The following RO60 variants were observed in gnomAD, a reference collection of about 807,000 sequenced individuals.
RO60 encodes the protein Ro60, Y RNA binding protein, also known as RNA-binding protein RO60.
A neutral mutation model predicts 55.3 loss-of-function variants in RO60; 20 were observed. The ratio of observed to expected loss-of-function variants is 0.36; its 90% CI spans 0.25 to 0.53. The LOEUF is 0.53. Among genes scored for constraint, RO60 ranks in the 20% least tolerant of loss-of-function variants. The pLI, the probability that RO60 is intolerant of heterozygous loss-of-function variation, is 0.92. For missense variants in RO60, 558 were observed against 646.6 expected, an observed-to-expected ratio of 0.86 and a Z score of 1.49; for synonymous variants, 213 against 213.6, an observed-to-expected ratio of 1.00 and a Z score of 0.02.
At position 193,084,735 on chromosome 1, in the gene RO60, T is replaced by A; in HGVS notation, c.*4T>A. 6.2e-7 allele frequency: 1 copy of A among 1,610,852 alleles called. No individual in the cohort carries two copies. The highest frequency in any genetic ancestry group is 8.5e-7 in the Non-Finnish European group (1 of 1,178,956). On this transcript the variant is annotated 3_prime_UTR_variant, in exon 9 of 9. Coordinates refer to ENST00000400968, the MANE Select transcript of RO60 (RefSeq NM_001173524.2). ...TTTCACATTAGATATGATTTAACCATAAGCAGCAGCACGATCCAGAGATCC... is the reference window on the plus strand; with the variant it reads ...TTTCACATTAGATATGATTTAACCAAAAGCAGCAGCACGATCCAGAGATCC...
At chr1:193,067,711 G>C (rs1673211983) in intron 1 of RO60, among the ~76,000 whole-genome samples, 1 of 152,154 alleles carries the variant, frequency 6.6e-6, no homozygotes, top group Non-Finnish European at 1.5e-5. Context: ...GACAATTGTG[G>C]TTCCTCCATT....
Position 193,069,149 on chromosome 1 carries a change from G to A in RO60, c.95G>A (p.Arg32Gln), listed in dbSNP as rs745327451. 9 of 1,613,904 alleles carry A rather than the reference G, an allele frequency of 5.6e-6. No individual in the cohort carries two copies. The East Asian group carries it at 6.7e-5, about 12-fold the overall frequency. ...GTATGGCAAGTCACTGACATGAATC[G>A]ACTACACCGGTTCTTATGTTTCGGT... ...GYVWQVTDMNRLHRFLCFGSE... is the reference protein window; with the variant it reads ...GYVWQVTDMNQLHRFLCFGSE... The change falls in exon 2 of 9, where the codon CGA (arginine) becomes CAA (glutamine). Residue 32 changes from arginine (R) to glutamine (Q), a missense_variant. Transcript: ENST00000400968.
At position 193,088,800 on chromosome 1, in the gene RO60, G is replaced by A. The variant is rs1674734918; in HGVS notation, c.*4069G>A. 6.6e-6 allele frequency: 1 copy of A among 152,090 alleles called. No individual in the cohort carries two copies. Among genetic ancestry groups the A allele is most frequent in the East Asian group, 1.9e-4 (1 of 5,202 alleles). 9.4% of individuals were successfully genotyped at this position (152,090 alleles called of 1,614,324 possible). A position where few individuals can be genotyped will look rare whatever the true frequency, so the allele number is the denominator to read the frequency against. On this transcript the variant is annotated 3_prime_UTR_variant, in exon 9 of 9. Transcript: ENST00000400968. ...TGAAATTAGTTGTATTTACTGTTTG[G>A]ATTTTATTTAGTGTTTCCTTGATGT...
At position 193,059,639 on chromosome 1, in the gene RO60, T is replaced by C. The variant is rs962478263; in HGVS notation, c.-159T>C. On this transcript the variant is annotated 5_prime_UTR_variant, in exon 1 of 9. Transcript: ENST00000400968. The surrounding 1 kb of genome is among the most constrained non-coding windows in gnomAD (Gnocchi z 4.9). The stretch of plus-strand genomic sequence containing the variant: ...TCGTTCCCGGGAACCGAACCTGGAA[T>C]CCCCGGCGGCAGTGGGGCTGTTGCT... The C allele has an allele frequency of 4.3e-6, 6 of 1,392,918 alleles. No individual in the cohort carries two copies. The African/African-American group carries it at 7.2e-5, about 17-fold the overall frequency. 86.3% of individuals were successfully genotyped at this position (1,392,918 alleles called of 1,614,324 possible). A position where few individuals can be genotyped will look rare whatever the true frequency, so the allele number is the denominator to read the frequency against.
chr1:193,075,311 G>A (rs544148039), intron 2 of RO60, among the ~76,000 whole-genome samples: 3 of 139,770 alleles, frequency 2.1e-5, no homozygotes, highest in Non-Finnish European at 3.1e-5. Flanking sequence ...TTTTTGAGCA[G>A]TAATACTTCT....
In RO60 at chr1:193,090,222, A is replaced by G. The variant is rs1674803888; in HGVS notation, c.*5491A>G. 1 of 152,262 alleles carries G rather than the reference A, an allele frequency of 6.6e-6. No homozygotes were observed. The highest frequency in any genetic ancestry group is 2.1e-4 in the South Asian group (1 of 4,830). The allele number at this position is 152,262 out of a possible 1,614,324, so 9.4% of individuals were successfully genotyped here. Reference sequence around the variant, plus strand: ...TGGTTTCACTTCGATGTGGATATGGATATGTGGATAAAGACAGTAAATGAA... The same window carrying G: ...TGGTTTCACTTCGATGTGGATATGGGTATGTGGATAAAGACAGTAAATGAA... On this transcript the variant is annotated 3_prime_UTR_variant, in exon 9 of 9. Transcript: ENST00000400968.
intron 5 of RO60, among the ~76,000 whole-genome samples, chr1:193,081,097 G>C (rs925352297): frequency 6.6e-6 from 1 of 151,990 alleles, no homozygotes; most frequent in Non-Finnish European, 1.5e-5. Flanking sequence ...TTAAAAATAG[G>C]ATGGTAACTT....
chr1:193,067,924 C>T (rs1380004556), intron 1 of RO60, among the ~76,000 whole-genome samples: 1 of 152,148 alleles, frequency 6.6e-6, no homozygotes, highest in African/African-American at 2.4e-5. Context: ...GACCCAGGTT[C>T]TTTGTTTTTT....
intron 2 of RO60, among the ~76,000 whole-genome samples, chr1:193,072,798 A>G (rs1314542932): frequency 6.6e-6 from 1 of 152,186 alleles, no homozygotes; most frequent in East Asian, 1.9e-4. Flanking sequence ...GAAAATAATT[A>G]TTCTGTGCTT....
downstream of RO60, chr1:193,091,327 C>T (rs1674849997): frequency 4.7e-6 from 1 of 212,842 alleles, no homozygotes; most frequent in Non-Finnish European, 9.3e-6. Flanking sequence ...TTCACTTTGC[C>T]TTTCAAAGCA....
intron 8 of RO60, 150 bp from the exon 9 acceptor site, chr1:193,084,429 A>C: frequency 1.2e-6 from 1 of 866,528 alleles, no homozygotes; most frequent in Non-Finnish European, 1.7e-6. Flanking sequence ...AAACTCCCAT[A>C]TTCTAGCCTT....
chr1:193,076,917 G>A lies in RO60; in HGVS notation c.953G>A (p.Arg318His), dbSNP rs370244149. 43 of 1,610,554 alleles carry A rather than the reference G, an allele frequency of 2.7e-5. No homozygotes were observed. The highest frequency in any genetic ancestry group is 6.7e-5 in the African/African-American group (5 of 74,882). ...LCNEKLLKKA[R>H]IHPFHILIAL... ...TTCCTTATACTTTGTTTCTAGGCTC[G>A]TATACATCCATTTCATATTTTGATC... is the stretch of plus-strand genomic sequence containing the variant. The change falls in exon 5 of 9, where the codon CGT becomes CAT. Residue 318 changes from arginine to histidine, a missense_variant. Coordinates refer to ENST00000400968, the MANE Select transcript of RO60 (RefSeq NM_001173524.2).
At chr1:193,067,339 C>T (rs1572065683) in intron 1 of RO60, among the ~76,000 whole-genome samples, 1 of 151,830 alleles carries the variant, frequency 6.6e-6, no homozygotes, top group East Asian at 1.9e-4. Flanking sequence ...ACAGCGCCTG[C>T]CAACACGCCC....
chr1:193,073,135 C>T (rs766760080), intron 2 of RO60, among the ~76,000 whole-genome samples: 3 of 152,072 alleles, frequency 2.0e-5, no homozygotes, highest in African/African-American at 7.2e-5. Context: ...ATTACAGAAC[C>T]GGGTAGGATA....
In RO60 at chr1:193,076,598, A is replaced by G; in HGVS notation, c.899A>G (p.Glu300Gly). ...ANSVLEPGNS[E>G]VSLVCEKLCN... The stretch of plus-strand genomic sequence containing the variant: ...TCAGTACTTGAACCAGGAAATTCAG[A>G]AGTATCTTTAGTATGTGAAAAACTG... The change falls in exon 4 of 9, where the codon GAA becomes GGA. Residue 300 changes from glutamate to glycine, a missense_variant. Glu to Gly is a moderately conservative substitution (Grantham distance 98). Transcript: ENST00000400968. 6.2e-7 allele frequency: 1 copy of G among 1,610,782 alleles called. No homozygotes were observed.
At chr1:193,084,501 A>G (rs920896381) in intron 8 of RO60, 78 bp from the exon 9 acceptor site, 1 of 1,438,940 alleles carries the variant, frequency 6.9e-7, no homozygotes, top group African/African-American at 1.4e-5. Context: ...GAGAAATGTT[A>G]AAGTGTTTTA....
chr1:193,085,386 C>A lies in RO60; in HGVS notation c.*655C>A, dbSNP rs1572110273. The stretch of plus-strand genomic sequence containing the variant: ...ATATGTTACCATTAATCAGAAACAT[C>A]ATGGCAACCCCTAAGAATAGACTAA... On this transcript the variant is annotated 3_prime_UTR_variant, in exon 9 of 9. Coordinates refer to ENST00000400968, the MANE Select transcript of RO60 (RefSeq NM_001173524.2). 14 of 989,572 alleles carry A rather than the reference C, an allele frequency of 1.4e-5. No individual in the cohort carries two copies. In the African/African-American group the frequency reaches 1.7e-4, roughly 12 times the overall value. 61.3% of individuals were successfully genotyped at this position (989,572 alleles called of 1,614,324 possible). A position where few individuals can be genotyped will look rare whatever the true frequency, so the allele number is the denominator to read the frequency against.
chr1:193,075,541 G>A (rs1673852093), intron 2 of RO60, among the ~76,000 whole-genome samples: 1 of 151,838 alleles, frequency 6.6e-6, no homozygotes, highest in African/African-American at 2.4e-5. Flanking sequence ...TAATGCTGGT[G>A]TCTTTAAAAA....
intron 2 of RO60, 113 bp downstream of exon 2, chr1:193,069,747 T>A (rs1673354700): frequency 2.4e-6 from 2 of 827,242 alleles, no homozygotes; most frequent in Admixed American, 3.0e-5. Context: ...TAGCCTTTTA[T>A]TCTCAAAATA....
Sources: gnomAD v4.1 joint callset for allele counts (sites outside exome capture counted in the v4.1 genomes callset) on GRCh38, gnomAD v4.1.1 for gene constraint, Gnocchi (gnomAD v3.1) non-coding constraint, MANE v1.5 for transcripts, NCBI Gene and HGNC (gene_info 2026-07-23, HGNC 2026-07-21) for gene names.